Variants in TMEM74 observed in about 807,000 individuals in gnomAD.
The protein encoded by TMEM74 is transmembrane protein 74.
In TMEM74, 13 loss-of-function variants were observed where a neutral mutation model predicts 18.1. The ratio of observed to expected loss-of-function variants is 0.72; its 90% confidence interval spans 0.47 to 1.14. The LOEUF is 1.14. Among genes scored for constraint, TMEM74 ranks in the 50% most tolerant of loss-of-function variants. The probability of loss-of-function intolerance (pLI) is 0.00; values close to 1 mark genes in which losing one functional copy is unlikely to be tolerated. For missense variants in TMEM74, 372 were observed against 375.9 expected (o/e 0.99, Z 0.09); for synonymous variants, 159 against 146.6 (o/e 1.08, Z -0.61).
intron 2 of TMEM74, among the ~76,000 whole-genome samples, chr8:108,623,320 A>C (rs530211618): frequency 2.0e-5 from 3 of 152,186 alleles, no homozygotes; most frequent in African/African-American, 7.2e-5. Context: ...GATAAGCAAA[A>C]CAAACAAACC....
chr8:108,632,984 G>T (rs563704685), intron 2 of TMEM74, among the ~76,000 whole-genome samples: 1 of 151,896 alleles, frequency 6.6e-6, no homozygotes, highest in Non-Finnish European at 1.5e-5. Context: ...TAATGATTCC[G>T]TACTGGGAAG....
At chr8:108,609,262 T>C (rs571158622) in intron 2 of TMEM74, among the ~76,000 whole-genome samples, 2 of 152,344 alleles carry the variant, frequency 1.3e-5, no homozygotes, top group South Asian at 2.1e-4. Context: ...GGAAATTTCA[T>C]CTAAAATAAG....
chr8:108,651,459 GT>G (rs1362380182), intron 2 of TMEM74, among the ~76,000 whole-genome samples: 12 of 152,030 alleles, frequency 7.9e-5, no homozygotes, highest in African/African-American at 2.4e-4. Context: ...GTGGTTTCCA[GT>G]TTAGGCTATT....
At chr8:108,621,090 GA>G (rs1812435867) in intron 2 of TMEM74, among the ~76,000 whole-genome samples, 1 of 152,126 alleles carries the variant, frequency 6.6e-6, no homozygotes, top group African/African-American at 2.4e-5. Flanking sequence ...AATTTGTTTT[GA>G]TTTGAGTTGC....
At chr8:108,771,391 A>T (rs1814169134) in intron 1 of TMEM74, among the ~76,000 whole-genome samples, 1 of 152,212 alleles carries the variant, frequency 6.6e-6, no homozygotes, top group African/African-American at 2.4e-5. Context: ...TTGCTAAAAA[A>T]TTTAAAGCAT....
intron 1 of TMEM74, among the ~76,000 whole-genome samples, chr8:108,753,476 A>C (rs376767646): frequency 1.2e-4 from 19 of 152,090 alleles, no homozygotes; most frequent in African/African-American, 4.3e-4. Flanking sequence ...CCTAAAAAAC[A>C]AAAAAAGGAG....
At chr8:108,687,426 T>A (rs1288478837) in intron 1 of TMEM74, among the ~76,000 whole-genome samples, 2 of 152,140 alleles carry the variant, frequency 1.3e-5, no homozygotes, top group African/African-American at 4.8e-5. Flanking sequence ...CCAACCTTTT[T>A]GACAGCAGAT....
intron 2 of TMEM74, among the ~76,000 whole-genome samples, chr8:108,609,933 G>A (rs1192428039): frequency 6.6e-6 from 1 of 152,126 alleles, no homozygotes; most frequent in African/African-American, 2.4e-5. Flanking sequence ...ATTGGCTAGG[G>A]TATACCCTAA....
intron 1 of TMEM74, among the ~76,000 whole-genome samples, chr8:108,762,725 T>C (rs1014086517): frequency 1.3e-5 from 2 of 152,100 alleles, no homozygotes; most frequent in Non-Finnish European, 2.9e-5. Context: ...TTCATACCTG[T>C]CTCCTCTACT....
intron 1 of TMEM74, among the ~76,000 whole-genome samples, chr8:108,725,678 T>G (rs1411599501): frequency 6.6e-6 from 1 of 152,068 alleles, no homozygotes; most frequent in East Asian, 1.9e-4. Flanking sequence ...CTCAAGGAGA[T>G]TAGCTGAAAA....
At chr8:108,762,940 G>T (rs1359452782) in intron 1 of TMEM74, among the ~76,000 whole-genome samples, 1 of 152,018 alleles carries the variant, frequency 6.6e-6, no homozygotes, top group Non-Finnish European at 1.5e-5. Flanking sequence ...GTTTTGCTTT[G>T]TTTACCTTTA....
At chr8:108,729,609 T>A (rs1395730286) in intron 1 of TMEM74, among the ~76,000 whole-genome samples, 1 of 152,260 alleles carries the variant, frequency 6.6e-6, no homozygotes, top group Admixed American at 6.5e-5. Context: ...AACTATGCTT[T>A]GTCTATGCGA....
At chr8:108,758,034 A>G (rs1015833318) in intron 1 of TMEM74, among the ~76,000 whole-genome samples, 4 of 152,056 alleles carry the variant, frequency 2.6e-5, no homozygotes, top group Non-Finnish European at 5.9e-5. Context: ...AGTTATGCAG[A>G]TGCTTTCTTA....
intron 1 of TMEM74, among the ~76,000 whole-genome samples, chr8:108,718,715 T>A (rs7011403): frequency 1.3e-5 from 2 of 152,166 alleles, no homozygotes; most frequent in Non-Finnish European, 2.9e-5. Flanking sequence ...TCACCTGATG[T>A]TTCTTTATAT....
chr8:108,683,179 A>G (rs1006299997), intron 1 of TMEM74, among the ~76,000 whole-genome samples: 2 of 151,846 alleles, frequency 1.3e-5, no homozygotes, highest in African/African-American at 4.8e-5. Context: ...CATCAGCTCA[A>G]AATGATTTAT....
At chr8:108,619,440 G>A (rs1812417701) in intron 2 of TMEM74, among the ~76,000 whole-genome samples, 3 of 152,164 alleles carry the variant, frequency 2.0e-5, no homozygotes, top group Admixed American at 2.0e-4. Flanking sequence ...GCTGAAGCCT[G>A]TCCACTTTCC....
In TMEM74 at chr8:108,747,378, A is replaced by G. The variant is rs543664040; in HGVS notation, n.119+40098T>C. 9.9e-5 allele frequency among the ~76,000 whole-genome samples: 15 copies of G among 152,220 alleles called. No individual in the cohort carries two copies. The East Asian group carries it at 2.9e-3, about 30-fold the overall frequency. ...CAGAGCTGACAAGAATACAGAAAAA[A>G]AAGCAGATAAACTAGATGGAGGAGT... On this transcript the variant is annotated intron_variant and non_coding_transcript_variant, in intron 1 of 3. Transcript: ENST00000518838.
In TMEM74 at chr8:108,785,107, G is replaced by C; in HGVS notation, c.-9C>G. 6.4e-7 allele frequency: 1 copy of C among 1,573,994 alleles called. No individual in the cohort carries two copies. Among genetic ancestry groups the C allele is most frequent in the Non-Finnish European group, 8.6e-7 (1 of 1,162,886 alleles). On this transcript the variant is annotated 5_prime_UTR_variant, in exon 2 of 2. Transcript: ENST00000297459. ...AGGTAGTGGAGCTCCATGAGAGCTA[G>C]TCAGACATCCCCCAGCAGCTTCCGG...
rs748993478 is a variant in TMEM74, at chr8:108,623,873, C to T, written n.265-15047G>A. ...GGTAAAGGCCAGTAATACTGCTCAACACCCTACACAGGGCACTCCCCCTAA... is the reference window on the plus strand; with the variant it reads ...GGTAAAGGCCAGTAATACTGCTCAATACCCTACACAGGGCACTCCCCCTAA... On this transcript the variant is annotated intron_variant and non_coding_transcript_variant, in intron 2 of 3. Transcript: ENST00000518838. Among the ~76,000 whole-genome samples, 5 of 152,120 alleles carry T rather than the reference C, an allele frequency of 3.3e-5. No individual in the cohort carries two copies. In the East Asian group the frequency reaches 9.7e-4, roughly 30 times the overall value.
Sources: allele counts gnomAD v4.1 joint callset (sites outside exome capture counted in the v4.1 genomes callset), GRCh38; gene constraint gnomAD v4.1.1; transcripts MANE v1.5; gene names NCBI Gene and HGNC (gene_info 2026-07-23, HGNC 2026-07-21).